Variants in CDH2 observed in about 807,000 individuals in gnomAD.
The protein encoded by CDH2 is cadherin-2.
CDH2 carries 17 observed loss-of-function variants against 92.0 expected under a neutral mutation model. The observed-to-expected ratio is 0.18, with a 90% CI of 0.13 to 0.28. CDH2 has a LOEUF of 0.28. Ranked by LOEUF, CDH2 falls within the 10% of genes least tolerant of loss-of-function variation. The probability of loss-of-function intolerance (pLI) is 1.00; values close to 1 mark genes in which losing one functional copy is unlikely to be tolerated. For missense variants in CDH2, 862 were observed against 1,133.1 expected (o/e 0.76, Z 3.44); for synonymous variants, 419 against 415.9 (o/e 1.01, Z -0.09).
At chr18:28,143,042 A>G (rs2144318896) in intron 2 of CDH2, among the ~76,000 whole-genome samples, 1 of 152,092 alleles carries the variant, frequency 6.6e-6, no homozygotes, top group East Asian at 1.9e-4. Context: ...AGCCTCAATC[A>G]GTAAGCACAC....
At chr18:27,955,189 T>C (rs977727839) in intron 15 of CDH2, among the ~76,000 whole-genome samples, 9 of 151,986 alleles carry the variant, frequency 5.9e-5, no homozygotes, top group Non-Finnish European at 1.2e-4. Context: ...CCAATCCTTA[T>C]GATGTCAACA....
At chr18:27,937,232 T>C (rs1437144690) in intron 6 of CDH2, among the ~76,000 whole-genome samples, 1 of 152,194 alleles carries the variant, frequency 6.6e-6, no homozygotes, top group Non-Finnish European at 1.5e-5. Flanking sequence ...AAAATCCATC[T>C]TTATGAACAT....
intron 13 of CDH2, among the ~76,000 whole-genome samples, chr18:27,983,728 C>G (rs140809776): frequency 2.5e-4 from 38 of 152,304 alleles, no homozygotes; most frequent in Non-Finnish European, 4.1e-4. Context: ...CATAAATTTT[C>G]CAGTGAGTTG....
At chr18:28,093,687 A>G (rs2015076271) in intron 2 of CDH2, among the ~76,000 whole-genome samples, 1 of 152,222 alleles carries the variant, frequency 6.6e-6, no homozygotes, top group Admixed American at 6.5e-5. Flanking sequence ...CAGCCAGTTA[A>G]ATGATTAATA....
chr18:28,011,202 A>G (rs1350985854), intron 4 of CDH2, among the ~76,000 whole-genome samples: 1 of 152,088 alleles, frequency 6.6e-6, no homozygotes, highest in East Asian at 1.9e-4. Context: ...TTGTCTTACT[A>G]TACTTTTGTA....
intron 7 of CDH2, among the ~76,000 whole-genome samples, chr18:27,998,018 G>T (rs1483088131): frequency 1.3e-5 from 2 of 152,050 alleles, no homozygotes; most frequent in East Asian, 1.9e-4. Flanking sequence ...GTGTTAGCCA[G>T]GATGGTCTCC....
At chr18:27,935,705 T>G (rs1028653329) in intron 6 of CDH2, among the ~76,000 whole-genome samples, 1 of 152,210 alleles carries the variant, frequency 6.6e-6, no homozygotes, top group African/African-American at 2.4e-5. Context: ...ACTACAAGTC[T>G]TAATGACCTT....
rs553133241 is a variant in CDH2, at chr18:28,080,740, A to G, written c.173-66831T>C. On this transcript the variant is annotated intron_variant, in intron 2 of 15. Transcript: ENST00000269141. ...CAATACTCCTTCACTCAATCAGCTA[A>G]TATTACTGAGCACCGTGGATCCTCA... 7.2e-5 allele frequency among the ~76,000 whole-genome samples: 11 copies of G among 152,364 alleles called. No homozygotes were observed. The South Asian group carries it at 2.3e-3, about 32-fold the overall frequency.
chr18:28,124,973 A>G (rs1401372355), intron 2 of CDH2, among the ~76,000 whole-genome samples: 1 of 152,230 alleles, frequency 6.6e-6, no homozygotes, highest in Non-Finnish European at 1.5e-5. Context: ...TGGGATTTAA[A>G]TGCTAACATC....
chr18:28,176,957 G>T lies in CDH2; in HGVS notation c.60+6C>A, dbSNP rs2016554561. On this transcript the variant is annotated splice_donor_region_variant and intron_variant, in intron 1 of 15. Transcript: ENST00000269141. ...CGTGGCCCGGCCCGCGGGGACCGCC[G>T]CGTACCTGAAGCAGGGCCGCCAGCA... 7.3e-7 allele frequency: 1 copy of T among 1,371,886 alleles called. No individual in the cohort carries two copies. The highest frequency in any genetic ancestry group is 1.6e-5 in the South Asian group (1 of 61,660). The allele number at this position is 1,371,886 out of a possible 1,614,324, so 85.0% of individuals were successfully genotyped here.
chr18:27,972,862 G>GT (rs2011701389), intron 14 of CDH2, among the ~76,000 whole-genome samples: 1 of 152,196 alleles, frequency 6.6e-6, no homozygotes, highest in Non-Finnish European at 1.5e-5. Context: ...TGGGAATGCT[G>GT]TGGGGGCACA....
At chr18:28,116,330 T>G (rs2015495674) in intron 2 of CDH2, among the ~76,000 whole-genome samples, 1 of 152,220 alleles carries the variant, frequency 6.6e-6, no homozygotes. Context: ...TTCTGGGCTT[T>G]GAAGCCCAAG....
chr18:28,118,720 G>A (rs11564387), intron 2 of CDH2, among the ~76,000 whole-genome samples: 6,944 of 151,844 alleles, frequency 0.046, 181 homozygotes, highest in South Asian at 0.082. Context: ...GACTTAGGCC[G>A]TATACCTTAG....
chr18:27,946,279 A>G (rs1308089459), downstream of CDH2, among the ~76,000 whole-genome samples: 1 of 152,136 alleles, frequency 6.6e-6, no homozygotes, highest in Non-Finnish European at 1.5e-5. Flanking sequence ...ATCGATAAAT[A>G]TAAAGCTGGT....
At chr18:27,958,010 A>AT (rs767347441) in intron 15 of CDH2, among the ~76,000 whole-genome samples, 5 of 152,182 alleles carry the variant, frequency 3.3e-5, no homozygotes, top group Non-Finnish European at 7.3e-5. Flanking sequence ...TAATTAAGAG[A>AT]TTTTTACTAT....
chr18:28,127,761 T>C (rs1218397036), intron 2 of CDH2, among the ~76,000 whole-genome samples: 3 of 152,188 alleles, frequency 2.0e-5, no homozygotes, highest in Non-Finnish European at 4.4e-5. Flanking sequence ...AATAGAAAAC[T>C]CTTTCATAAA....
chr18:27,938,568 C>A (rs935369199), intron 6 of CDH2, among the ~76,000 whole-genome samples: 2 of 152,152 alleles, frequency 1.3e-5, no homozygotes, highest in Non-Finnish European at 2.9e-5. Context: ...TTTGAGAGCA[C>A]TGAAATTAAA....
intron 5 of CDH2, among the ~76,000 whole-genome samples, chr18:28,009,427 C>T (rs623234): frequency 0.5 from 76,185 of 151,952 alleles, 19,232 homozygotes; most frequent in South Asian, 0.58. Flanking sequence ...TTTGTTCTTA[C>T]AGATTCTTAA....
At position 28,071,483 on chromosome 18, in the gene CDH2, C is replaced by A. The variant is rs546178001; in HGVS notation, c.173-57574G>T. On this transcript the variant is annotated intron_variant, in intron 2 of 15. Coordinates refer to ENST00000269141, the MANE Select transcript of CDH2 (RefSeq NM_001792.5). Reference sequence around the variant, plus strand: ...CGTAACTGTCACACCATCATCAGAGCACTGAGGACAGAAGGCTGATTTTTG... The same window carrying A: ...CGTAACTGTCACACCATCATCAGAGAACTGAGGACAGAAGGCTGATTTTTG... Among the ~76,000 whole-genome samples, 3 of 152,266 alleles carry A rather than the reference C, an allele frequency of 2.0e-5. No individual in the cohort carries two copies. The East Asian group carries it at 5.8e-4, about 29-fold the overall frequency.
Sources: allele counts gnomAD v4.1 joint callset (sites outside exome capture counted in the v4.1 genomes callset), GRCh38; gene constraint gnomAD v4.1.1; transcripts MANE v1.5; gene names NCBI Gene and HGNC (gene_info 2026-07-23, HGNC 2026-07-21).